KAZN: variants seen among roughly 807,000 people sequenced by gnomAD.
KAZN encodes kazrin.
In KAZN, 40 loss-of-function variants were observed where a neutral mutation model predicts 87.4. The ratio of observed to expected loss-of-function variants is 0.46; its 90% CI spans 0.36 to 0.60. The LOEUF (loss-of-function observed/expected upper bound fraction) is 0.60, where lower values mean the gene tolerates loss of function less well. Among genes scored for constraint, KAZN ranks in the 20% least tolerant of loss-of-function variants. The pLI is 0.00. For synonymous variants in KAZN, 466 were observed against 458.3 expected (o/e 1.02, Z -0.22); for missense variants, 898 against 1,073.9 (o/e 0.84, Z 2.29).
At chr1:14,536,205 G>A (rs1007040867) in intron 2 of KAZN, among the ~76,000 whole-genome samples, 7 of 152,144 alleles carry the variant, frequency 4.6e-5, no homozygotes, top group Admixed American at 2.0e-4. Context: ...GGTCTTCCTG[G>A]TTTAAATCAT....
chr1:14,397,186 C>G (rs1037288218), intron 2 of KAZN, among the ~76,000 whole-genome samples: 1 of 152,140 alleles, frequency 6.6e-6, no homozygotes, highest in Non-Finnish European at 1.5e-5. Context: ...TATTTTCTCT[C>G]CCTATGTGTC....
At position 15,099,984 on chromosome 1, in the gene KAZN, A is replaced by G. The variant is rs374712051; in HGVS notation, c.1548-1559A>G. On this transcript the variant is annotated intron_variant, in intron 10 of 14. Transcript: ENST00000376030. The surrounding 1 kb of genome is among the most constrained non-coding windows in gnomAD (Gnocchi z 5.4). Reference sequence around the variant, plus strand: ...TGGGTGACGGTGACAGTGACAGTGAAGGGGAACAACTGAGCCATTAAGTAT... The same window carrying G: ...TGGGTGACGGTGACAGTGACAGTGAGGGGGAACAACTGAGCCATTAAGTAT... Among the ~76,000 whole-genome samples, 37 of 152,276 alleles carry G rather than the reference A, an allele frequency of 2.4e-4. No homozygotes were observed. The highest frequency in any genetic ancestry group is 8.7e-4 in the African/African-American group (36 of 41,540).
chr1:14,133,928 G>A (rs576356532), intron 1 of KAZN, among the ~76,000 whole-genome samples: 41 of 152,306 alleles, frequency 2.7e-4, no homozygotes, highest in African/African-American at 9.4e-4. Flanking sequence ...CCTCGAAGGA[G>A]CAGTCTAGAG....
intron 2 of KAZN, among the ~76,000 whole-genome samples, chr1:14,291,865 G>A (rs1446720307): frequency 6.6e-6 from 1 of 152,204 alleles, no homozygotes; most frequent in Non-Finnish European, 1.5e-5. Flanking sequence ...TTCCCCCTGT[G>A]CTTGGCAGTT....
chr1:14,868,894 G>T (rs527530281), intron 1 of KAZN, among the ~76,000 whole-genome samples: 1 of 152,066 alleles, frequency 6.6e-6, no homozygotes, highest in Non-Finnish European at 1.5e-5. Context: ...CCGAAATGGG[G>T]CCAAGATAAG....
chr1:14,821,325 C>T (rs890976990), intron 1 of KAZN, among the ~76,000 whole-genome samples: 1 of 152,018 alleles, frequency 6.6e-6, no homozygotes, highest in African/African-American at 2.4e-5. Context: ...ACCAGCCTAG[C>T]CAACATGGTG....
chr1:14,069,095 C>T (rs1208003389), intron 1 of KAZN, among the ~76,000 whole-genome samples: 1 of 152,176 alleles, frequency 6.6e-6, no homozygotes, highest in Non-Finnish European at 1.5e-5. Flanking sequence ...CCATGCCCGG[C>T]CAGTTGTTGA....
intron 1 of KAZN, among the ~76,000 whole-genome samples, chr1:14,941,998 G>A (rs555361237): frequency 1.2e-4 from 19 of 152,196 alleles, no homozygotes; most frequent in Admixed American, 5.2e-4. Flanking sequence ...TACAATTCCA[G>A]AGAGACGTGG....
intron 1 of KAZN, among the ~76,000 whole-genome samples, chr1:14,635,151 G>A (rs368636898): frequency 5.9e-5 from 9 of 152,332 alleles, no homozygotes; most frequent in African/African-American, 1.4e-4. Context: ...TGAGCTTTGC[G>A]TTGCTGTTAA....
intron 1 of KAZN, among the ~76,000 whole-genome samples, chr1:14,957,035 T>C (rs1029218718): frequency 1.3e-5 from 2 of 152,206 alleles, no homozygotes; most frequent in Non-Finnish European, 2.9e-5. Flanking sequence ...CCGAGTGCTC[T>C]GAGCAGATGT....
At chr1:14,871,035 C>G (rs1465413056) in intron 1 of KAZN, among the ~76,000 whole-genome samples, 1 of 152,214 alleles carries the variant, frequency 6.6e-6, no homozygotes, top group East Asian at 1.9e-4. Context: ...CTCACCTGTT[C>G]TTTGTCCAGG....
At chr1:14,318,937 AAAAC>A (rs1655843514) in intron 2 of KAZN, among the ~76,000 whole-genome samples, 1 of 151,838 alleles carries the variant, frequency 6.6e-6, no homozygotes, top group Admixed American at 6.6e-5. Context: ...GAAAGAGTTA[AAAAC>A]AACTTTTAAA....
intron 1 of KAZN, among the ~76,000 whole-genome samples, chr1:14,845,758 G>A (rs1243606673): frequency 6.6e-6 from 1 of 152,098 alleles, no homozygotes; most frequent in East Asian, 1.9e-4. Context: ...CGCTAAAATG[G>A]AATTAAACAT....
At chr1:14,384,471 C>T (rs952118862) in intron 2 of KAZN, among the ~76,000 whole-genome samples, 5 of 151,804 alleles carry the variant, frequency 3.3e-5, no homozygotes, top group South Asian at 2.1e-4. Flanking sequence ...ATAGCTCTTA[C>T]TATTTTGAAA....
intron 1 of KAZN, among the ~76,000 whole-genome samples, chr1:14,743,664 G>A (rs189580680): frequency 1.3e-5 from 2 of 152,242 alleles, no homozygotes; most frequent in Admixed American, 1.3e-4. Context: ...TCGGGTCTCA[G>A]ATCTGTTGTC....
At chr1:14,858,696 A>G (rs1472655867) in intron 1 of KAZN, among the ~76,000 whole-genome samples, 2 of 152,248 alleles carry the variant, frequency 1.3e-5, no homozygotes, top group African/African-American at 4.8e-5. Flanking sequence ...AGAATTGAAG[A>G]CAACATACTT....
chr1:14,834,396 C>T (rs1175470233), intron 1 of KAZN, among the ~76,000 whole-genome samples: 1 of 132,992 alleles, frequency 7.5e-6, no homozygotes, highest in African/African-American at 2.9e-5. Flanking sequence ...GAGTCTCGCT[C>T]TGTCACCCAG....
chr1:14,605,385 T>C (rs1412031073), intron 1 of KAZN, among the ~76,000 whole-genome samples: 1 of 152,162 alleles, frequency 6.6e-6, no homozygotes, highest in Non-Finnish European at 1.5e-5. Flanking sequence ...GTAAAAAATC[T>C]GTCTATAACT....
At chr1:14,283,658 C>A (rs1044702778) in intron 2 of KAZN, among the ~76,000 whole-genome samples, 9 of 152,124 alleles carry the variant, frequency 5.9e-5, no homozygotes, top group African/African-American at 2.2e-4. Flanking sequence ...AATGGTGCGA[C>A]CCCTTTGGGA....
Sources: allele counts gnomAD v4.1 joint callset (sites outside exome capture counted in the v4.1 genomes callset), GRCh38; gene constraint gnomAD v4.1.1; non-coding constraint Gnocchi (gnomAD v3.1); transcripts MANE v1.5; gene names NCBI Gene and HGNC (gene_info 2026-07-23, HGNC 2026-07-21).